HECTD4: variants seen among roughly 807,000 people sequenced by gnomAD.
HECTD4 encodes the protein HECT domain E3 ubiquitin protein ligase 4, also known as probable E3 ubiquitin-protein ligase HECTD4.
Under a neutral mutation model 471.5 loss-of-function variants are expected in HECTD4, and 114 were observed. The observed-to-expected ratio is 0.24, with a 90% confidence interval of 0.21 to 0.28. The LOEUF (loss-of-function observed/expected upper bound fraction) is 0.28. Ranked by LOEUF, HECTD4 falls within the 10% of genes least tolerant of loss-of-function variation. The pLI is 1.00. For missense variants in HECTD4, 3,866 were observed against 5,651.5 expected (o/e 0.68, Z 10.13); for synonymous variants, 2,012 against 2,256.0 (o/e 0.89, Z 3.07).
intron 28 of HECTD4, 79 bp downstream of exon 28, chr12:112,247,383 C>T (rs1029700570): frequency 1.4e-6 from 1 of 705,714 alleles, no homozygotes; most frequent in Non-Finnish European, 2.3e-6. Context: ...AAAAATATAT[C>T]TATTAAGAGA....
intron 7 of HECTD4, among the ~76,000 whole-genome samples, chr12:112,295,205 C>T (rs1418039646): frequency 6.6e-6 from 1 of 151,132 alleles, no homozygotes; most frequent in East Asian, 1.9e-4. Flanking sequence ...GCAGGGGAGA[C>T]GGTCAATAAA....
chr12:112,222,839 ACAAAAACAAAAG>A (rs1460662270), intron 44 of HECTD4, among the ~76,000 whole-genome samples: 3 of 152,208 alleles, frequency 2.0e-5, no homozygotes, highest in African/African-American at 7.2e-5. Context: ...GTCTCAAAAA[ACAAAAACAAAAG>A]CAAAAACAAA....
At chr12:112,205,470 C>A (rs2032550156) in intron 52 of HECTD4, among the ~76,000 whole-genome samples, 1 of 152,086 alleles carries the variant, frequency 6.6e-6, no homozygotes, top group African/African-American at 2.4e-5. Context: ...CCGAAGTGTT[C>A]ATCAGTACAA....
chr12:112,249,915 A>T (rs913980687), intron 25 of HECTD4: 2 of 545,358 alleles, frequency 3.7e-6, no homozygotes, highest in Admixed American at 6.3e-5. Flanking sequence ...TCCAAGAACC[A>T]ACAAGTTCCC....
chr12:112,305,322 T>C (rs1379391837), intron 7 of HECTD4, among the ~76,000 whole-genome samples: 1 of 151,980 alleles, frequency 6.6e-6, no homozygotes, highest in Admixed American at 6.6e-5. Context: ...GCCCTCCTCC[T>C]CTCTCTGCAT....
chr12:112,225,180 G>A (rs1050949622), intron 44 of HECTD4, among the ~76,000 whole-genome samples: 1 of 151,998 alleles, frequency 6.6e-6, no homozygotes, highest in Non-Finnish European at 1.5e-5. Context: ...AAGTAAAACG[G>A]ATACAGACAA....
intron 72 of HECTD4, chr12:112,167,056 A>C: frequency 2.7e-6 from 1 of 377,192 alleles, no homozygotes; most frequent in Non-Finnish European, 4.8e-6. Flanking sequence ...GCCCATGGCC[A>C]GGCAATGAGC....
intron 65 of HECTD4, 117 bp downstream of exon 65, chr12:112,176,479 G>A: frequency 7.1e-6 from 5 of 705,614 alleles, no homozygotes; most frequent in Admixed American, 2.2e-5. Context: ...CCAGAGCAGA[G>A]GCCATCCCAG....
chr12:112,259,404 A>G, intron 18 of HECTD4, 139 bp from the exon 19 acceptor site: 1 of 808,536 alleles, frequency 1.2e-6, no homozygotes. Flanking sequence ...ATAGCAATTC[A>G]GTCCACAAAT....
At chr12:112,343,653 C>A (rs1159742142) in intron 1 of HECTD4, among the ~76,000 whole-genome samples, 3 of 152,054 alleles carry the variant, frequency 2.0e-5, no homozygotes, top group Admixed American at 1.3e-4. Context: ...AGCCTGTAGT[C>A]TTAGCTACAT....
chr12:112,298,878 T>A (rs1309000626), intron 7 of HECTD4, among the ~76,000 whole-genome samples: 2 of 138,956 alleles, frequency 1.4e-5, no homozygotes, highest in Non-Finnish European at 1.5e-5. Flanking sequence ...TGAGACTCCA[T>A]CTCAAAAAAA....
intron 20 of HECTD4, chr12:112,256,951 T>C (rs980374488): frequency 1.3e-5 from 2 of 152,506 alleles, no homozygotes; most frequent in Non-Finnish European, 2.9e-5. Context: ...TTCCTTTTGT[T>C]GATATCTACA....
chr12:112,211,177 T>C (rs10161225), intron 49 of HECTD4, among the ~76,000 whole-genome samples: 68,779 of 151,992 alleles, frequency 0.45, 19,642 homozygotes, highest in East Asian at 0.9. Context: ...TGGTGAAACC[T>C]CATTTCTACT....
intron 2 of HECTD4, among the ~76,000 whole-genome samples, chr12:112,317,157 T>C (rs1418474218): frequency 1.3e-5 from 2 of 152,230 alleles, no homozygotes; most frequent in Non-Finnish European, 2.9e-5. Context: ...GGACTTGAAA[T>C]TGTCTCTGCA....
At chr12:112,354,558 C>T (rs576845250) in intron 1 of HECTD4, among the ~76,000 whole-genome samples, 9 of 152,198 alleles carry the variant, frequency 5.9e-5, no homozygotes, top group African/African-American at 2.2e-4. Context: ...TGGTTGTACA[C>T]ACCTGTAGTC....
At chr12:112,219,718 G>T in intron 44 of HECTD4, 1 of 327,446 alleles carries the variant, frequency 3.1e-6, no homozygotes, top group African/African-American at 2.2e-5. Flanking sequence ...TCCTGCCTTA[G>T]CCTCCCAAGT....
At position 112,361,123 on chromosome 12, in the gene HECTD4, T is replaced by C. The variant is rs76184548; in HGVS notation, c.177+20829A>G. On this transcript the variant is annotated intron_variant, in intron 1 of 75. Transcript: ENST00000682272. ...TCCGCGACAATACACGATTTTAGAA[T>C]GGAACACACCAACAAAAACTTGAGG... Among the ~76,000 whole-genome samples the C allele has an allele frequency of 1.1e-4, 17 of 152,282 alleles. 1 individual carries two copies. In the East Asian group the frequency reaches 3.3e-3, roughly 29 times the overall value.
Position 112,264,232 on chromosome 12 carries a change from A to G in HECTD4, c.2620-20T>C, listed in dbSNP as rs755289246. 5.2e-6 allele frequency: 8 copies of G among 1,547,558 alleles called. No homozygotes were observed. Among genetic ancestry groups the G allele is most frequent in the South Asian group, 2.5e-5 (2 of 79,064 alleles). The stretch of plus-strand genomic sequence containing the variant: ...TGCAGCCTTTAATACAAATAAGGGC[A>G]TTTAAATGATCTAAATCCTACTGAA... On this transcript the variant is annotated intron_variant, in intron 16 of 75. Coordinates refer to ENST00000682272, the MANE Select transcript of HECTD4 (RefSeq NM_001388303.1).
At chr12:112,207,469 A>G (rs2032625816) in intron 52 of HECTD4, among the ~76,000 whole-genome samples, 1 of 152,208 alleles carries the variant, frequency 6.6e-6, no homozygotes, top group Admixed American at 6.5e-5. Flanking sequence ...AGCAGGAATC[A>G]GGGAACAGTG....
Sources: gnomAD v4.1 joint callset for allele counts (sites outside exome capture counted in the v4.1 genomes callset) on GRCh38, gnomAD v4.1.1 for gene constraint, MANE v1.5 for transcripts, NCBI Gene and HGNC (gene_info 2026-07-23, HGNC 2026-07-21) for gene names.